The following MYO5B variants were observed in gnomAD, a reference collection of about 807,000 sequenced individuals.
MYO5B encodes unconventional myosin-Vb.
In MYO5B, 143 loss-of-function variants were observed where a neutral mutation model predicts 229.3. The observed-to-expected ratio is 0.62, with a 90% CI of 0.54 to 0.72. The LOEUF (loss-of-function observed/expected upper bound fraction) is 0.72. Among genes scored for constraint, MYO5B ranks in the 30% least tolerant of loss-of-function variants. The pLI, the probability that MYO5B is intolerant of heterozygous loss-of-function variation, is 0.00. For missense variants in MYO5B, 2,321 were observed against 2,331.0 expected (o/e 1.00, Z 0.09); for synonymous variants, 918 against 885.2 (o/e 1.04, Z -0.66).
intron 1 of MYO5B, among the ~76,000 whole-genome samples, chr18:50,094,618 C>A (rs2031514620): frequency 6.6e-6 from 1 of 152,158 alleles, no homozygotes; most frequent in Non-Finnish European, 1.5e-5. Flanking sequence ...CCCATGGGAA[C>A]ATTTACCAAA....
At chr18:49,880,950 T>C (rs910788512) in intron 22 of MYO5B, among the ~76,000 whole-genome samples, 3 of 152,224 alleles carry the variant, frequency 2.0e-5, no homozygotes, top group Non-Finnish European at 4.4e-5. Flanking sequence ...TGGAGACTAC[T>C]GTTCAGAGAA....
chr18:50,111,242 C>A (rs76967376), intron 1 of MYO5B, among the ~76,000 whole-genome samples: 7,472 of 152,220 alleles, frequency 0.049, 310 homozygotes, highest in African/African-American at 0.11. Context: ...GGTTGCACTG[C>A]CATCATTTAT....
chr18:49,974,818 C>G (rs1331441681), intron 9 of MYO5B, among the ~76,000 whole-genome samples: 2 of 151,718 alleles, frequency 1.3e-5, no homozygotes, highest in Admixed American at 6.6e-5. Context: ...CACACACACA[C>G]ACACACACAC....
At position 49,841,566 on chromosome 18, in the gene MYO5B, C is replaced by G. The variant is rs1193223949; in HGVS notation, c.4612-112G>C. ...CCCTTACCTAGTGTTCCTGAGCAGC[C>G]CTGAGGCTGGGCAGGGCACTTGCCA... On this transcript the variant is annotated intron_variant, in intron 34 of 39. Coordinates refer to ENST00000285039, the MANE Select transcript of MYO5B (RefSeq NM_001080467.3). 3.9e-6 allele frequency: 4 copies of G among 1,018,186 alleles called. No homozygotes were observed. In the East Asian group the frequency reaches 9.8e-5, roughly 25 times the overall value. The allele number at this position is 1,018,186 out of a possible 1,614,324, so 63.1% of individuals were successfully genotyped here. A position where few individuals can be genotyped will look rare whatever the true frequency, so the allele number is the denominator to read the frequency against.
intron 1 of MYO5B, among the ~76,000 whole-genome samples, chr18:50,083,980 C>T (rs2031274400): frequency 6.6e-6 from 1 of 152,220 alleles, no homozygotes; most frequent in African/African-American, 2.4e-5. Context: ...ACTACTGCCA[C>T]TTAATAGCTA....
At chr18:50,114,510 T>A (rs781677326) in intron 1 of MYO5B, among the ~76,000 whole-genome samples, 1 of 152,212 alleles carries the variant, frequency 6.6e-6, no homozygotes, top group Non-Finnish European at 1.5e-5. Flanking sequence ...TGCCTTCTAA[T>A]TAAGAGGTAA....
At chr18:50,154,603 T>C (rs1221068388) in intron 1 of MYO5B, among the ~76,000 whole-genome samples, 1 of 152,212 alleles carries the variant, frequency 6.6e-6, no homozygotes, top group Non-Finnish European at 1.5e-5. Context: ...TTACCTATTA[T>C]CTGGAAGCAC....
At chr18:49,968,160 A>C (rs1222041809) in intron 10 of MYO5B, among the ~76,000 whole-genome samples, 1 of 152,168 alleles carries the variant, frequency 6.6e-6, no homozygotes, top group Non-Finnish European at 1.5e-5. Context: ...CTCCCCAAGG[A>C]ATAGAAATTG....
rs79132877 is a variant in MYO5B at position 50,171,551 on chromosome 18, T to C, written c.27+23216A>G. On this transcript the variant is annotated intron_variant, in intron 1 of 39. Coordinates refer to ENST00000285039, the MANE Select transcript of MYO5B (RefSeq NM_001080467.3). ...ATTCTGCTGGGGAAACAGTGGATCA[T>C]ACAAGGCAATAATTAAATGATAGAT... Among the ~76,000 whole-genome samples, 11 of 128,150 alleles carry C rather than the reference T, an allele frequency of 8.6e-5. 3 individuals carry two copies. Among genetic ancestry groups the C allele is most frequent in the East Asian group, 4.5e-4 (2 of 4,402 alleles). 84.1% of individuals were successfully genotyped at this position (128,150 alleles called of 152,430 possible).
chr18:50,117,032 A>G (rs1477194641), intron 1 of MYO5B, among the ~76,000 whole-genome samples: 1 of 152,222 alleles, frequency 6.6e-6, no homozygotes, highest in Non-Finnish European at 1.5e-5. Context: ...ACATTTTGTT[A>G]TGAGATAAAC....
At chr18:49,846,341 G>A (rs2024126163) in intron 33 of MYO5B, among the ~76,000 whole-genome samples, 2 of 152,126 alleles carry the variant, frequency 1.3e-5, no homozygotes, top group African/African-American at 4.8e-5. Flanking sequence ...CCTTCCCAGG[G>A]GTGATACTGA....
intron 24 of MYO5B, among the ~76,000 whole-genome samples, chr18:49,878,661 A>G (rs1478307788): frequency 1.3e-5 from 2 of 152,200 alleles, no homozygotes; most frequent in Non-Finnish European, 2.9e-5. Context: ...TCAACACAGG[A>G]ATGTTCCCGT....
chr18:50,131,928 C>A (rs749094450), intron 1 of MYO5B, among the ~76,000 whole-genome samples: 1 of 152,176 alleles, frequency 6.6e-6, no homozygotes, highest in African/African-American at 2.4e-5. Context: ...CAGATCTGGA[C>A]CTGAACTTTT....
At chr18:49,960,603 C>T (rs970633279) in intron 12 of MYO5B, among the ~76,000 whole-genome samples, 10 of 152,224 alleles carry the variant, frequency 6.6e-5, no homozygotes, top group Non-Finnish European at 1.3e-4. Context: ...CTCTATCAGA[C>T]TATGCTAAAT....
At chr18:50,077,168 TAAAAAAAAAAAA>T (rs71169476) in intron 1 of MYO5B, among the ~76,000 whole-genome samples, 3 of 81,232 alleles carry the variant, frequency 3.7e-5, no homozygotes, top group Non-Finnish European at 4.6e-5. Context: ...TGTGGCAAAG[TAAAAAAAAAAAA>T]AAAAAAAAAA....
intron 28 of MYO5B, among the ~76,000 whole-genome samples, chr18:49,863,760 T>G (rs1398769184): frequency 6.6e-6 from 1 of 152,156 alleles, no homozygotes; most frequent in Non-Finnish European, 1.5e-5. Context: ...GGCTCTAGTC[T>G]GCCCCAGAAA....
In MYO5B at chr18:50,109,150, G is replaced by A. The variant is rs561619397; in HGVS notation, c.28-53772C>T. Among the ~76,000 whole-genome samples the A allele has an allele frequency of 9.2e-5, 14 of 152,210 alleles. No individual in the cohort carries two copies. The South Asian group carries it at 2.1e-3, about 23-fold the overall frequency. On this transcript the variant is annotated intron_variant, in intron 1 of 39. Transcript: ENST00000285039. Reference sequence around the variant, plus strand: ...CACCAAACTTCCACTGAAGAACCACGATAAGAAAGTTTCCAGTGTCAATAC... The same window carrying A: ...CACCAAACTTCCACTGAAGAACCACAATAAGAAAGTTTCCAGTGTCAATAC...
chr18:50,145,214 G>A (rs2144292963), intron 1 of MYO5B, among the ~76,000 whole-genome samples: 1 of 152,244 alleles, frequency 6.6e-6, no homozygotes, highest in African/African-American at 2.4e-5. Context: ...TCAGCCGGGT[G>A]CAGCTCCTCA....
At chr18:50,107,264 C>A (rs2031779456) in intron 1 of MYO5B, among the ~76,000 whole-genome samples, 1 of 151,762 alleles carries the variant, frequency 6.6e-6, no homozygotes, top group Non-Finnish European at 1.5e-5. Flanking sequence ...GTAGTTGGGA[C>A]TACAGGCATG....
Sources: allele counts gnomAD v4.1 joint callset (sites outside exome capture counted in the v4.1 genomes callset), GRCh38; gene constraint gnomAD v4.1.1; transcripts MANE v1.5; gene names NCBI Gene and HGNC (gene_info 2026-07-23, HGNC 2026-07-21).